The following EPHA6 variants were observed in gnomAD, a reference collection of about 807,000 sequenced individuals.
The protein encoded by EPHA6 is ephrin type-A receptor 6.
In EPHA6, 50 loss-of-function variants were observed where a neutral mutation model predicts 112.0. That is an observed-to-expected ratio of 0.45 (90% confidence interval 0.36 to 0.56). The LOEUF (loss-of-function observed/expected upper bound fraction) is 0.56, where lower values mean the gene tolerates loss of function less well. Among genes scored for constraint, EPHA6 ranks in the 20% least tolerant of loss-of-function variants. EPHA6 has a pLI of 0.00. For missense variants in EPHA6, 1,280 were observed against 1,417.4 expected, an observed-to-expected ratio of 0.90 and a Z score of 1.56; for synonymous variants, 529 against 490.7, an observed-to-expected ratio of 1.08 and a Z score of -1.03.
rs182879209 is a variant in EPHA6 at position 97,608,980 on chromosome 3, C to A, written c.2513-1813C>A. 2.6e-3 allele frequency among the ~76,000 whole-genome samples: 396 copies of A among 151,480 alleles called. 4 individuals carry two copies. The highest frequency in any genetic ancestry group is 8.7e-3 in the African/African-American group (362 of 41,484). ...ATTTTCTATCCCTCAATTTCCACAT[C>A]TGCATAAGAAAAATAATTATGGCAT... is the stretch of plus-strand genomic sequence containing the variant. On this transcript the variant is annotated intron_variant, in intron 12 of 17. Coordinates refer to ENST00000389672, the MANE Select transcript of EPHA6 (RefSeq NM_001080448.3).
At chr3:97,046,143 A>G (rs1445575473) in intron 3 of EPHA6, among the ~76,000 whole-genome samples, 1 of 152,162 alleles carries the variant, frequency 6.6e-6, no homozygotes, top group African/African-American at 2.4e-5. Flanking sequence ...AGGACAAATC[A>G]AACCATTTTT....
At chr3:97,574,369 A>G (rs1380061374) in intron 11 of EPHA6, among the ~76,000 whole-genome samples, 1 of 152,194 alleles carries the variant, frequency 6.6e-6, no homozygotes, top group African/African-American at 2.4e-5. Context: ...TCTTACAGGG[A>G]GTAACACTTA....
chr3:97,312,613 C>G (rs368083404), intron 5 of EPHA6, among the ~76,000 whole-genome samples: 3 of 151,562 alleles, frequency 2.0e-5, no homozygotes, highest in Admixed American at 1.3e-4. Context: ...GATAATCAAT[C>G]TATATACATA....
chr3:97,299,097 G>T (rs1188370549), intron 5 of EPHA6, among the ~76,000 whole-genome samples: 1 of 151,616 alleles, frequency 6.6e-6, no homozygotes, highest in African/African-American at 2.4e-5. Context: ...AATGTTTCTG[G>T]ATTTATAATG....
intron 5 of EPHA6, among the ~76,000 whole-genome samples, chr3:97,394,750 G>T (rs182448574): frequency 1.9e-4 from 29 of 151,770 alleles, no homozygotes; most frequent in African/African-American, 6.3e-4. Context: ...AGTTAGAATG[G>T]CTATGATGAA....
chr3:97,258,022 C>T (rs539839138), intron 5 of EPHA6, among the ~76,000 whole-genome samples: 3 of 152,040 alleles, frequency 2.0e-5, no homozygotes, highest in South Asian at 2.1e-4. Flanking sequence ...AAATTATTTG[C>T]AAAGTCCTTT....
chr3:97,295,160 T>C (rs1006085796), intron 5 of EPHA6, among the ~76,000 whole-genome samples: 1 of 152,182 alleles, frequency 6.6e-6, no homozygotes, highest in Non-Finnish European at 1.5e-5. Context: ...TTTCACTAAA[T>C]TGGTTTTCTA....
At chr3:97,726,759 C>G (rs895765419) in intron 15 of EPHA6, among the ~76,000 whole-genome samples, 2 of 152,004 alleles carry the variant, frequency 1.3e-5, no homozygotes, top group Non-Finnish European at 2.9e-5. Flanking sequence ...TACACATGCT[C>G]CAAAGATGAT....
At chr3:97,646,474 G>A (rs534874884) in intron 14 of EPHA6, among the ~76,000 whole-genome samples, 21 of 152,068 alleles carry the variant, frequency 1.4e-4, no homozygotes, top group Non-Finnish European at 1.9e-4. Flanking sequence ...TTTGCATGCC[G>A]TGCTCTAGGT....
intron 13 of EPHA6, among the ~76,000 whole-genome samples, chr3:97,634,900 A>G (rs2093932763): frequency 6.6e-6 from 1 of 150,826 alleles, no homozygotes; most frequent in Non-Finnish European, 1.5e-5. Flanking sequence ...AACTCATAAG[A>G]TTTACTGCTT....
At chr3:97,046,043 A>G (rs1259813586) in intron 3 of EPHA6, among the ~76,000 whole-genome samples, 2 of 152,078 alleles carry the variant, frequency 1.3e-5, no homozygotes, top group Non-Finnish European at 2.9e-5. Context: ...ATTTTATGCA[A>G]ATTCCTCTAT....
chr3:97,384,770 C>T lies in EPHA6; in HGVS notation c.1607-20380C>T, dbSNP rs138918865. 3.7e-3 allele frequency among the ~76,000 whole-genome samples: 555 copies of T among 151,840 alleles called. 2 individuals are homozygous for T. The highest frequency in any genetic ancestry group is 0.013 in the African/African-American group (519 of 41,428). ...CTATTTCCCCCTTTTTTGATATTTA[C>T]AATTTTGCTTGACTCAGCATTTCCC... On this transcript the variant is annotated intron_variant, in intron 5 of 17. Transcript: ENST00000389672.
chr3:97,325,739 T>C (rs140083595), intron 5 of EPHA6, among the ~76,000 whole-genome samples: 5 of 152,244 alleles, frequency 3.3e-5, no homozygotes, highest in African/African-American at 7.2e-5. Context: ...TACCTCCTTT[T>C]TCTTATAATC....
chr3:97,125,326 A>G (rs2048153887), intron 3 of EPHA6, among the ~76,000 whole-genome samples: 1 of 152,228 alleles, frequency 6.6e-6, no homozygotes, highest in African/African-American at 2.4e-5. Context: ...CATTAAGTAC[A>G]GAATATTTCT....
At chr3:96,832,913 T>C (rs181631215) in intron 1 of EPHA6, among the ~76,000 whole-genome samples, 32 of 152,020 alleles carry the variant, frequency 2.1e-4, no homozygotes, top group Admixed American at 2.0e-3. Context: ...TACCAAGTAG[T>C]TTAGTATATT....
chr3:97,581,418 C>A (rs902036777), intron 11 of EPHA6, among the ~76,000 whole-genome samples: 13 of 152,152 alleles, frequency 8.5e-5, no homozygotes, highest in Non-Finnish European at 1.5e-4. Context: ...TTACAATTAA[C>A]CCCTATATGC....
chr3:97,318,904 G>A (rs749021148), intron 5 of EPHA6, among the ~76,000 whole-genome samples: 3 of 151,746 alleles, frequency 2.0e-5, no homozygotes, highest in Admixed American at 6.6e-5. Flanking sequence ...TGTTATTTAT[G>A]CAAGTTATTT....
chr3:96,908,285 GACTT>G (rs1002715855), intron 2 of EPHA6, among the ~76,000 whole-genome samples: 8 of 152,026 alleles, frequency 5.3e-5, no homozygotes, highest in South Asian at 2.1e-4. Flanking sequence ...GGTCCATTTA[GACTT>G]ACTTATTTAT....
Position 97,367,801 on chromosome 3 carries a change from C to G in EPHA6, c.1607-37349C>G, listed in dbSNP as rs558001933. The stretch of plus-strand genomic sequence containing the variant: ...AGGTTAATACAACTAGCCAGAATAT[C>G]TATATTAAATAAAAAGAATAACAAA... On this transcript the variant is annotated intron_variant, in intron 5 of 17. Transcript: ENST00000389672. Among the ~76,000 whole-genome samples the G allele has an allele frequency of 1.5e-4, 23 of 152,032 alleles. No individual in the cohort carries two copies. In the South Asian group the frequency reaches 4.8e-3, roughly 32 times the overall value.
Sources: allele counts gnomAD v4.1 joint callset (sites outside exome capture counted in the v4.1 genomes callset), GRCh38; gene constraint gnomAD v4.1.1; transcripts MANE v1.5; gene names NCBI Gene and HGNC (gene_info 2026-07-23, HGNC 2026-07-21).